CDC14B: variants seen among roughly 807,000 people sequenced by gnomAD.
The protein encoded by CDC14B is dual specificity protein phosphatase CDC14B.
In CDC14B, 22 loss-of-function variants were observed where a neutral mutation model predicts 64.2. The observed-to-expected ratio is 0.34, with a 90% CI of 0.24 to 0.49. CDC14B has a LOEUF of 0.49. Ranked by LOEUF, CDC14B falls within the 20% of genes least tolerant of loss-of-function variation. CDC14B has a pLI of 0.99. For missense variants in CDC14B, 498 were observed against 629.9 expected (o/e 0.79, Z 2.24); for synonymous variants, 191 against 215.8 (o/e 0.89, Z 1.01).
intron 1 of CDC14B, among the ~76,000 whole-genome samples, chr9:96,581,603 G>A (rs919212498): frequency 1.3e-5 from 2 of 152,164 alleles, no homozygotes; most frequent in African/African-American, 4.8e-5. Context: ...ACTGTAAAGA[G>A]TTACAGTGGT....
At chr9:96,514,586 G>T in intron 12 of CDC14B, 1 of 985,382 alleles carries the variant, frequency 1.0e-6, no homozygotes, top group Non-Finnish European at 1.2e-6. Flanking sequence ...AAACCACAAA[G>T]TACCAGAGTT....
chr9:96,492,428 TG>T (rs1324980103), exon 14 of CDC14B: 1 of 152,540 alleles, frequency 6.6e-6, no homozygotes, highest in Non-Finnish European at 1.5e-5. Flanking sequence ...GTAACTGGGC[TG>T]GGGGGCCAGA....
intron 1 of CDC14B, among the ~76,000 whole-genome samples, chr9:96,600,532 TA>T (rs1846365160): frequency 1.3e-5 from 2 of 151,850 alleles, no homozygotes; most frequent in African/African-American, 4.8e-5. Flanking sequence ...AGATGGGGTC[TA>T]ACTCTGTTGC....
At position 96,515,714 on chromosome 9, in the gene CDC14B, G is replaced by A. The variant is rs1012716482; in HGVS notation, c.1344-5925C>T. On this transcript the variant is annotated intron_variant, in intron 12 of 13. Coordinates refer to ENST00000375241, the MANE Select transcript of CDC14B (RefSeq NM_033331.4). This position sits in a 1 kb window ranked among gnomAD's most constrained non-coding sequence, Gnocchi z 4.3. ...TGAAACCATCGAGACAGAATAGCAG[G>A]ATGGGAAGAATGTAGTCACAAACAA... 1 of 1,605,640 alleles carries A rather than the reference G, an allele frequency of 6.2e-7. No individual in the cohort carries two copies. Among genetic ancestry groups the A allele is most frequent in the African/African-American group, 1.3e-5 (1 of 74,794 alleles).
chr9:96,492,827 G>A (rs1046100205), exon 14 of CDC14B: 7 of 152,234 alleles, frequency 4.6e-5, no homozygotes, highest in African/African-American at 1.7e-4. Flanking sequence ...GAAAGCCTAA[G>A]CTGCATGTCA....
chr9:96,518,407 C>T (rs1335943477), intron 12 of CDC14B, among the ~76,000 whole-genome samples: 2 of 151,872 alleles, frequency 1.3e-5, no homozygotes, highest in Admixed American at 6.6e-5. Context: ...CCCAGCTACT[C>T]AGGAGGCTGA....
intron 1 of CDC14B, among the ~76,000 whole-genome samples, chr9:96,580,637 C>A (rs752913652): frequency 6.6e-6 from 1 of 152,056 alleles, no homozygotes; most frequent in African/African-American, 2.4e-5. Flanking sequence ...CCAGCCAATC[C>A]CTCTATTGAA....
intron 1 of CDC14B, among the ~76,000 whole-genome samples, chr9:96,589,321 A>G (rs1845647894): frequency 6.9e-6 from 1 of 144,450 alleles, no homozygotes; most frequent in Admixed American, 7.1e-5. Context: ...CCTGGGCAAC[A>G]AAGTGAGACT....
At chr9:96,604,972 AGCTTGCATTTT>A (rs2118902548) in intron 1 of CDC14B, among the ~76,000 whole-genome samples, 1 of 152,100 alleles carries the variant, frequency 6.6e-6, no homozygotes, top group South Asian at 2.1e-4. Flanking sequence ...GCCCAGCTGA[AGCTTGCATTTT>A]AAACACCCAG....
intron 1 of CDC14B, among the ~76,000 whole-genome samples, chr9:96,594,179 C>T (rs531519412): frequency 6.6e-6 from 1 of 152,264 alleles, no homozygotes; most frequent in South Asian, 2.1e-4. Flanking sequence ...AAGGTGAGCC[C>T]TGCAACTGCT....
In CDC14B at chr9:96,619,413, A is replaced by G; in HGVS notation, c.-35T>C. The G allele has an allele frequency of 6.2e-6, 7 of 1,137,038 alleles. No homozygotes were observed. The highest frequency in any genetic ancestry group is 7.5e-6 in the Non-Finnish European group (7 of 928,498). The allele number at this position is 1,137,038 out of a possible 1,614,324, so 70.4% of individuals were successfully genotyped here. A position where few individuals can be genotyped will look rare whatever the true frequency, so the allele number is the denominator to read the frequency against. ...CGCGGCCCGTCAGGGGGCCACGACC[A>G]TGGCCCCGCGCGCCCGCGCGCCCGC... On this transcript the variant is annotated 5_prime_UTR_variant, in exon 1 of 14. It removes an upstream start codon present in the reference 5' UTR. Transcript: ENST00000375241.
At chr9:96,610,988 CAACT>C (rs1390685034) in intron 1 of CDC14B, among the ~76,000 whole-genome samples, 1 of 150,330 alleles carries the variant, frequency 6.7e-6, no homozygotes, top group Non-Finnish European at 1.5e-5. Flanking sequence ...CCAAGAATGA[CAACT>C]AACAGATTAA....
intron 1 of CDC14B, among the ~76,000 whole-genome samples, chr9:96,600,164 G>A (rs1173892796): frequency 1.3e-5 from 2 of 151,850 alleles, no homozygotes; most frequent in African/African-American, 2.4e-5. Flanking sequence ...GTAGGCCGAG[G>A]TGGGAGAATC....
chr9:96,585,323 A>G (rs959460253), intron 1 of CDC14B, among the ~76,000 whole-genome samples: 9 of 151,632 alleles, frequency 5.9e-5, no homozygotes, highest in African/African-American at 2.2e-4. Context: ...TAAGCCCCAC[A>G]TGCATTAGGT....
intron 1 of CDC14B, among the ~76,000 whole-genome samples, chr9:96,593,486 CAAAAAA>C (rs1216525397): frequency 1.9e-5 from 1 of 52,582 alleles, no homozygotes; most frequent in Non-Finnish European, 4.1e-5. Context: ...GACTTGGTCT[CAAAAAA>C]AAAAAAAAAA....
chr9:96,514,630 T>G lies in CDC14B; in HGVS notation c.1344-4841A>C, dbSNP rs1835366565. On this transcript the variant is annotated intron_variant, in intron 12 of 13. Transcript: ENST00000375241. ...TGGAATTTTTCTTTGGAAGAGATCT[T>G]GCAAGGAACTTTTGCATTCTTTCAT... is the stretch of plus-strand genomic sequence containing the variant. 4.1e-6 allele frequency: 4 copies of G among 985,330 alleles called. No homozygotes were observed. The South Asian group carries it at 1.4e-4, about 35-fold the overall frequency. 61.0% of individuals were successfully genotyped at this position (985,330 alleles called of 1,614,324 possible).
In CDC14B at chr9:96,514,918, C is replaced by T. The variant is rs1835423791; in HGVS notation, c.1344-5129G>A. ...ATCTCAAGAGAATACAGATTTGCTG[C>T]TATTAGCCTATTAAAGGCATTCTGG... On this transcript the variant is annotated intron_variant, in intron 12 of 13. Coordinates refer to ENST00000375241, the MANE Select transcript of CDC14B (RefSeq NM_033331.4). 9.1e-6 allele frequency: 9 copies of T among 985,290 alleles called. No homozygotes were observed. In the South Asian group the frequency reaches 4.2e-4, roughly 46 times the overall value. 61.0% of individuals were successfully genotyped at this position (985,290 alleles called of 1,614,324 possible).
intron 12 of CDC14B, among the ~76,000 whole-genome samples, chr9:96,513,348 C>T (rs560890897): frequency 7.9e-5 from 12 of 152,354 alleles, no homozygotes; most frequent in African/African-American, 2.2e-4. Context: ...TGACAGCACA[C>T]ACCACCTGAC....
intron 1 of CDC14B, among the ~76,000 whole-genome samples, chr9:96,573,757 A>G (rs1402779221): frequency 2.0e-5 from 3 of 152,212 alleles, no homozygotes; most frequent in African/African-American, 7.2e-5. Context: ...ATAAATTTAC[A>G]TGTTACATGT....
Sources: gnomAD v4.1 joint callset for allele counts (sites outside exome capture counted in the v4.1 genomes callset) on GRCh38, gnomAD v4.1.1 for gene constraint, Gnocchi (gnomAD v3.1) non-coding constraint, MANE v1.5 for transcripts, NCBI Gene and HGNC (gene_info 2026-07-23, HGNC 2026-07-21) for gene names.